Variants in USP46 observed in about 807,000 individuals in gnomAD.
USP46 encodes ubiquitin specific peptidase 46.
Under a neutral mutation model 44.4 loss-of-function variants are expected in USP46, and 12 were observed. That is an observed-to-expected ratio of 0.27 (90% CI 0.17 to 0.44). The LOEUF (loss-of-function observed/expected upper bound fraction) is 0.44, where lower values mean the gene tolerates loss of function less well. Ranked by LOEUF, USP46 falls within the 20% of genes least tolerant of loss-of-function variation. USP46 has a pLI of 1.00. For missense variants in USP46, 248 were observed against 444.8 expected, an observed-to-expected ratio of 0.56 and a Z score of 3.98; for synonymous variants, 155 against 161.5, an observed-to-expected ratio of 0.96 and a Z score of 0.31.
chr4:52,627,993 G>A lies in USP46; in HGVS notation c.288C>T (p.Val96=), dbSNP rs772091792. 18 of 1,613,704 alleles carry A rather than the reference G, an allele frequency of 1.1e-5. No homozygotes were observed. In the East Asian group the frequency reaches 3.6e-4, roughly 32 times the overall value. ...SIATQKKKVG[V]IPPKKFISRL... ...TTGAAATGAACTTCTTTGGTGGGAT[G>A]ACGCCAACCTTCTTCTTCTGTGTGG... The change falls in exon 3 of 9, where the codon GTC becomes GTT. Residue 96 remains valine (V), a synonymous_variant. Coordinates refer to ENST00000441222, the MANE Select transcript of USP46 (RefSeq NM_022832.4).
chr4:52,641,693 A>G (rs1718347315), intron 1 of USP46, among the ~76,000 whole-genome samples: 1 of 152,226 alleles, frequency 6.6e-6, no homozygotes, highest in Non-Finnish European at 1.5e-5. Flanking sequence ...GCATCCTTGG[A>G]GAAGAGCCAG....
Position 52,659,300 on chromosome 4 carries a change from A to T in USP46, c.-150T>A. 1.1e-5 allele frequency: 3 copies of T among 264,170 alleles called. No individual in the cohort carries two copies. The highest frequency in any genetic ancestry group is 6.3e-6 in the Non-Finnish European group (1 of 158,698). The allele number at this position is 264,170 out of a possible 1,614,324, so 16.4% of individuals were successfully genotyped here. On this transcript the variant is annotated 5_prime_UTR_variant, in exon 1 of 9. Coordinates refer to ENST00000441222, the MANE Select transcript of USP46 (RefSeq NM_022832.4). This position sits in a 1 kb window ranked among gnomAD's most constrained non-coding sequence, Gnocchi z 4.2. ...TGGCTGGGAGAGGGAGGCCGGGAGG[A>T]GGAGGCGGCGGCGCGGGGAGGGCGG...
chr4:52,605,222 G>A (rs1716641815), intron 5 of USP46, among the ~76,000 whole-genome samples: 1 of 152,174 alleles, frequency 6.6e-6, no homozygotes, highest in South Asian at 2.1e-4. Flanking sequence ...TCCCCCGCCG[G>A]AGGAGATGAA....
intron 1 of USP46, among the ~76,000 whole-genome samples, chr4:52,652,550 C>T (rs533495798): frequency 3.3e-4 from 51 of 152,268 alleles, no homozygotes; most frequent in African/African-American, 1.2e-3. Context: ...GAATGTTATA[C>T]AGCAGTTAAA....
chr4:52,600,510 G>A (rs1319412337), intron 7 of USP46, among the ~76,000 whole-genome samples: 1 of 152,072 alleles, frequency 6.6e-6, no homozygotes, highest in African/African-American at 2.4e-5. Flanking sequence ...TGCTACCAGG[G>A]CTCTTCTGAC....
chr4:52,593,603 C>T lies in USP46; in HGVS notation c.*4037G>A, dbSNP rs1370938513. ...TTCACTGAGGCCACATGGCATGGAC[C>T]TGTGCCTGCCCTCCTTCTGGGGCAG... On this transcript the variant is annotated 3_prime_UTR_variant, in exon 9 of 9. Transcript: ENST00000441222. 6.6e-6 allele frequency: 1 copy of T among 152,294 alleles called. No individual in the cohort carries two copies. The highest frequency in any genetic ancestry group is 2.1e-4 in the South Asian group (1 of 4,836). The allele number at this position is 152,294 out of a possible 1,614,324, so 9.4% of individuals were successfully genotyped here.
At chr4:52,609,894 A>ATTTTTTT (rs1423146190) in intron 5 of USP46, among the ~76,000 whole-genome samples, 3 of 20,642 alleles carry the variant, frequency 1.5e-4, no homozygotes, top group East Asian at 1.0e-3. Flanking sequence ...CCTCAATTCT[A>ATTTTTTT]TTTCTTTTTT....
At chr4:52,647,924 T>C (rs1424151594) in intron 1 of USP46, among the ~76,000 whole-genome samples, 1 of 152,184 alleles carries the variant, frequency 6.6e-6, no homozygotes, top group Non-Finnish European at 1.5e-5. Flanking sequence ...ACTACAGTGT[T>C]TGGTGGACTC....
intron 1 of USP46, among the ~76,000 whole-genome samples, chr4:52,643,137 G>A (rs12513215): frequency 0.13 from 20,106 of 152,040 alleles, 1,371 homozygotes; most frequent in African/African-American, 0.18. Flanking sequence ...TAAAAGATAC[G>A]AACCCACAGA....
intron 1 of USP46, among the ~76,000 whole-genome samples, chr4:52,638,309 C>T (rs1718192855): frequency 6.6e-6 from 1 of 152,028 alleles, no homozygotes; most frequent in Non-Finnish European, 1.5e-5. Flanking sequence ...AAGAAGGAGC[C>T]ATGAGCCAAG....
Position 52,659,217 on chromosome 4 carries a change from G to A in USP46, c.-67C>T. ...AGGGGAAACCGGGACTGCCCATGGT[G>A]GCGCGCTGGCGGGGAGGCCGGGCGG... On this transcript the variant is annotated 5_prime_UTR_variant, in exon 1 of 9. Transcript: ENST00000441222. The surrounding 1 kb of genome is among the most constrained non-coding windows in gnomAD (Gnocchi z 4.2). 6.9e-7 allele frequency: 1 copy of A among 1,454,782 alleles called. No homozygotes were observed. The highest frequency in any genetic ancestry group is 9.1e-7 in the Non-Finnish European group (1 of 1,095,616). The allele number at this position is 1,454,782 out of a possible 1,614,324, so 90.1% of individuals were successfully genotyped here. A position where few individuals can be genotyped will look rare whatever the true frequency, so the allele number is the denominator to read the frequency against.
intron 1 of USP46, among the ~76,000 whole-genome samples, chr4:52,650,144 A>C (rs1295636118): frequency 1.3e-5 from 2 of 152,206 alleles, no homozygotes; most frequent in Non-Finnish European, 2.9e-5. Context: ...AAGAAGACAG[A>C]AGCAAGAACA....
intron 4 of USP46, among the ~76,000 whole-genome samples, chr4:52,612,591 G>A (rs1211060955): frequency 6.6e-6 from 1 of 152,238 alleles, no homozygotes; most frequent in Non-Finnish European, 1.5e-5. Flanking sequence ...GATAACCCCA[G>A]GCTAGCCTGC....
intron 1 of USP46, among the ~76,000 whole-genome samples, chr4:52,657,230 A>G (rs1444432416): frequency 6.6e-6 from 1 of 151,984 alleles, no homozygotes; most frequent in Admixed American, 6.6e-5. Context: ...TCTCCACCTG[A>G]GATGTCAACT....
At chr4:52,652,169 T>C (rs749110655) in intron 1 of USP46, among the ~76,000 whole-genome samples, 2 of 151,870 alleles carry the variant, frequency 1.3e-5, no homozygotes, top group Non-Finnish European at 2.9e-5. Context: ...ACAGGAAAAG[T>C]GCAAATTTTA....
At position 52,597,626 on chromosome 4, in the gene USP46, C is replaced by T. The variant is rs143394949; in HGVS notation, c.*14G>A. On this transcript the variant is annotated 3_prime_UTR_variant, in exon 9 of 9. Coordinates refer to ENST00000441222, the MANE Select transcript of USP46 (RefSeq NM_022832.4). ...ACATTCTCCCCACGTGAATCAGTCC[C>T]GCAGGTCTTTCAGTTACTCTCTTGA... 6,192 of 1,539,306 alleles carry T rather than the reference C, an allele frequency of 4.0e-3. 128 individuals are homozygous for T. In the South Asian group the frequency reaches 0.048, roughly 12 times the overall value.
At chr4:52,626,641 T>C (rs1025993794) in intron 3 of USP46, among the ~76,000 whole-genome samples, 4 of 152,126 alleles carry the variant, frequency 2.6e-5, no homozygotes, top group Admixed American at 2.6e-4. Context: ...AACTTTTATA[T>C]TGAAAGGATG....
At chr4:52,633,783 A>G (rs1479190104) in intron 1 of USP46, among the ~76,000 whole-genome samples, 2 of 152,210 alleles carry the variant, frequency 1.3e-5, no homozygotes, top group African/African-American at 4.8e-5. Context: ...GTGATGACTC[A>G]TACTAAGGAT....
intron 4 of USP46, 110 bp downstream of exon 4, chr4:52,625,908 A>G: frequency 9.1e-7 from 1 of 1,093,830 alleles, no homozygotes; most frequent in Non-Finnish European, 1.3e-6. Flanking sequence ...GATTATTTAC[A>G]TACACTGCAA....
Sources: allele counts gnomAD v4.1 joint callset (sites outside exome capture counted in the v4.1 genomes callset), GRCh38; gene constraint gnomAD v4.1.1; non-coding constraint Gnocchi (gnomAD v3.1); transcripts MANE v1.5; gene names NCBI Gene and HGNC (gene_info 2026-07-23, HGNC 2026-07-21).